Variants in CYP4X1 observed in about 807,000 individuals in gnomAD.
CYP4X1 encodes cytochrome P450 family 4 subfamily X member 1.
In CYP4X1, 44 loss-of-function variants were observed where a neutral mutation model predicts 57.9. The observed-to-expected ratio is 0.76, with a 90% CI of 0.60 to 0.98. CYP4X1 has a LOEUF of 0.98. CYP4X1 is among the 50% of genes least tolerant of loss of function. The pLI is 0.00. For missense variants in CYP4X1, 532 were observed against 623.9 expected (o/e 0.85, Z 1.57); for synonymous variants, 227 against 228.6 (o/e 0.99, Z 0.06).
the CYP4X1 span, among the ~76,000 whole-genome samples, chr1:47,005,866 T>A: frequency 6.6e-6 from 1 of 152,232 alleles, no homozygotes; most frequent in East Asian, 1.9e-4. Flanking sequence ...ACAAAATGAT[T>A]TGACTTGTGT....
At chr1:47,007,247 G>A in the CYP4X1 span, among the ~76,000 whole-genome samples, 13 of 152,252 alleles carry the variant, frequency 8.5e-5, no homozygotes, top group Admixed American at 5.2e-4. Context: ...CAAACGATCC[G>A]GCAGCAACAT....
the CYP4X1 span, among the ~76,000 whole-genome samples, chr1:46,972,271 C>A: frequency 6.6e-6 from 1 of 152,024 alleles, no homozygotes; most frequent in African/African-American, 2.4e-5. Context: ...TTATTACTCA[C>A]TTATCTATTC....
chr1:46,991,519 G>C, the CYP4X1 span, among the ~76,000 whole-genome samples: 4 of 152,200 alleles, frequency 2.6e-5, no homozygotes, highest in African/African-American at 7.2e-5. Context: ...TCCTGCTGCA[G>C]TTAAAGCACC....
At chr1:47,035,127 A>T (rs1644166125) in intron 4 of CYP4X1, among the ~76,000 whole-genome samples, 1 of 151,048 alleles carries the variant, frequency 6.6e-6, no homozygotes, top group African/African-American at 2.4e-5. Flanking sequence ...GTCGACCTGA[A>T]CTTTTAAAAT....
In CYP4X1 at chr1:47,039,467, T is replaced by G. The variant is rs1274471618; in HGVS notation, c.1008T>G (p.Pro336=). 2 of 1,613,558 alleles carry G rather than the reference T, an allele frequency of 1.2e-6. No homozygotes were observed. Among genetic ancestry groups the G allele is most frequent in the Non-Finnish European group, 1.7e-6 (2 of 1,179,758 alleles). Residue 336 remains proline (P), a synonymous_variant, in exon 8 of 12, where the codon CCT becomes CCG. Coordinates refer to ENST00000371901, the MANE Select transcript of CYP4X1 (RefSeq NM_178033.2). The stretch of plus-strand genomic sequence containing the variant: ...TCCTTTACTGCCTGGCTCTGAACCC[T>G]GAGCATCAAGAGAGATGCCGGGAGG... ...SWILYCLALN[P]EHQERCREEV... is the part of the protein sequence containing the mutation.
chr1:47,002,294 GAATGAA>G, the CYP4X1 span, among the ~76,000 whole-genome samples: 1 of 152,182 alleles, frequency 6.6e-6, no homozygotes, highest in East Asian at 1.9e-4. Context: ...TTTTATATTT[GAATGAA>G]GTTGCTTAGG....
the CYP4X1 span, among the ~76,000 whole-genome samples, chr1:46,972,666 T>C: frequency 3.3e-5 from 5 of 152,148 alleles, no homozygotes; most frequent in Non-Finnish European, 7.4e-5. Flanking sequence ...TGATTAGCTG[T>C]ATTCCTAGGT....
the CYP4X1 span, among the ~76,000 whole-genome samples, chr1:46,979,577 A>C: frequency 3.3e-5 from 5 of 152,180 alleles, no homozygotes. Flanking sequence ...TTCCTTCTGA[A>C]ACTATTCCAA....
intron 6 of CYP4X1, 31 bp downstream of exon 6, chr1:47,036,202 A>C (rs1644179964): frequency 6.3e-7 from 1 of 1,584,304 alleles, no homozygotes; most frequent in Admixed American, 1.7e-5. Flanking sequence ...GCCCACGTCC[A>C]TACGCTGCCA....
At chr1:47,035,661 C>A in intron 4 of CYP4X1, 145 bp from the exon 5 acceptor site, 2 of 1,206,786 alleles carry the variant, frequency 1.7e-6, no homozygotes, top group Non-Finnish European at 2.3e-6. Flanking sequence ...AAGCACATGG[C>A]TTATTTACTC....
chr1:47,035,668 A>T (rs1644172052), intron 4 of CYP4X1, 138 bp from the exon 5 acceptor site: 1 of 1,259,444 alleles, frequency 7.9e-7, no homozygotes, highest in Non-Finnish European at 1.1e-6. Flanking sequence ...TGGCTTATTT[A>T]CTCATGTGAT....
At chr1:46,968,048 T>A in the CYP4X1 span, among the ~76,000 whole-genome samples, 1 of 152,232 alleles carries the variant, frequency 6.6e-6, no homozygotes, top group African/African-American at 2.4e-5. Context: ...TCTCAGGTTT[T>A]CCCCATGTAG....
chr1:47,012,226 G>A, the CYP4X1 span, among the ~76,000 whole-genome samples: 1 of 152,212 alleles, frequency 6.6e-6, no homozygotes, highest in Non-Finnish European at 1.5e-5. Context: ...ATACTAAGCA[G>A]CCATAAAAAA....
the CYP4X1 span, among the ~76,000 whole-genome samples, chr1:46,984,781 A>G: frequency 6.6e-6 from 1 of 152,144 alleles, no homozygotes; most frequent in East Asian, 1.9e-4. Flanking sequence ...AAGTGGGTGG[A>G]CATTTGGACA....
At chr1:46,967,761 T>C in the CYP4X1 span, 2 of 1,316,228 alleles carry the variant, frequency 1.5e-6, no homozygotes, top group Non-Finnish European at 2.0e-6. Flanking sequence ...AAATTCATGG[T>C]ATGCCGACCG....
At chr1:47,024,130 G>C in intron 1 of CYP4X1, 136 bp downstream of exon 1, 1 of 1,061,050 alleles carries the variant, frequency 9.4e-7, no homozygotes, top group Non-Finnish European at 1.3e-6. Flanking sequence ...TTCCAGCCCG[G>C]CCTGTGGCTC....
the CYP4X1 span, among the ~76,000 whole-genome samples, chr1:46,975,798 G>A: frequency 2.6e-5 from 4 of 152,092 alleles, no homozygotes; most frequent in African/African-American, 9.7e-5. Flanking sequence ...TTTCATGCAT[G>A]TTGGTGAGTC....
rs988003755 is a variant in CYP4X1 at position 47,039,280 on chromosome 1, T to C, written c.883-62T>C. 6 of 1,413,942 alleles carry C rather than the reference T, an allele frequency of 4.2e-6. No homozygotes were observed. In the African/African-American group the frequency reaches 8.8e-5, roughly 21 times the overall value. The allele number at this position is 1,413,942 out of a possible 1,614,324, so 87.6% of individuals were successfully genotyped here. ...TTTTCCCCTCAAATCATTATTGTGG[T>C]TGTATCTCCAAACATTTATAAACTG... On this transcript the variant is annotated intron_variant, in intron 7 of 11. Coordinates refer to ENST00000371901, the MANE Select transcript of CYP4X1 (RefSeq NM_178033.2).
intron 6 of CYP4X1, 29 bp from the exon 7 acceptor site, chr1:47,038,631 T>C: frequency 1.3e-6 from 2 of 1,546,004 alleles, no homozygotes; most frequent in Non-Finnish European, 1.8e-6. Context: ...GCCATCACTT[T>C]GGTAATTGGA....
Sources: gnomAD v4.1 joint callset for allele counts (sites outside exome capture counted in the v4.1 genomes callset) on GRCh38, gnomAD v4.1.1 for gene constraint, MANE v1.5 for transcripts, NCBI Gene and HGNC (gene_info 2026-07-23, HGNC 2026-07-21) for gene names.